The following SFXN5 variants were observed in gnomAD, a reference collection of about 807,000 sequenced individuals.
SFXN5 encodes the protein sideroflexin 5.
SFXN5 carries 43 observed loss-of-function variants against 50.2 expected under a neutral mutation model. The observed-to-expected ratio is 0.86, with a 90% CI of 0.67 to 1.11. SFXN5 has a LOEUF of 1.11. SFXN5 is among the 50% of genes least tolerant of loss of function. The pLI is 0.00. For missense variants in SFXN5, 463 were observed against 454.1 expected (o/e 1.02, Z -0.18); for synonymous variants, 203 against 185.8 (o/e 1.09, Z -0.75).
intron 3 of SFXN5, among the ~76,000 whole-genome samples, chr2:73,025,173 A>G (rs1225079309): frequency 6.6e-6 from 1 of 152,052 alleles, no homozygotes; most frequent in Non-Finnish European, 1.5e-5. Context: ...AAAAACATAA[A>G]AGGCTGATCG....
chr2:73,068,793 C>G (rs768680017), intron 1 of SFXN5, among the ~76,000 whole-genome samples: 1 of 151,946 alleles, frequency 6.6e-6, no homozygotes, highest in Non-Finnish European at 1.5e-5. Flanking sequence ...TCAATGTATA[C>G]ACCGAGAAAG....
intron 2 of SFXN5, among the ~76,000 whole-genome samples, chr2:73,052,124 T>A (rs181945161): frequency 2.0e-5 from 3 of 152,250 alleles, no homozygotes; most frequent in East Asian, 3.9e-4. Context: ...TTTGTCTCCA[T>A]CATTCTTTGA....
intron 3 of SFXN5, among the ~76,000 whole-genome samples, chr2:73,030,116 G>A (rs1287344323): frequency 2.0e-5 from 3 of 150,874 alleles, no homozygotes; most frequent in African/African-American, 7.3e-5. Flanking sequence ...TCAAACAAAC[G>A]AACAAAAAAA....
intron 8 of SFXN5, among the ~76,000 whole-genome samples, chr2:73,000,136 C>G (rs779013981): frequency 2.0e-5 from 3 of 152,220 alleles, no homozygotes; most frequent in Non-Finnish European, 4.4e-5. Context: ...CAAGAAGAAT[C>G]TGAAAGCCAG....
At chr2:73,024,521 G>C (rs1677306815) in intron 3 of SFXN5, among the ~76,000 whole-genome samples, 1 of 152,204 alleles carries the variant, frequency 6.6e-6, no homozygotes, top group Admixed American at 6.5e-5. Flanking sequence ...GGGCGTGGTG[G>C]AATGTGCCTG....
At chr2:72,952,599 G>A (rs751755513) in intron 13 of SFXN5, among the ~76,000 whole-genome samples, 16 of 152,050 alleles carry the variant, frequency 1.1e-4, no homozygotes, top group Admixed American at 5.9e-4. Flanking sequence ...ACCACACCCC[G>A]CCCCCTACCA....
chr2:72,946,026 G>A (rs148925707), intron 13 of SFXN5, among the ~76,000 whole-genome samples: 4 of 151,734 alleles, frequency 2.6e-5, no homozygotes, highest in Admixed American at 1.3e-4. Context: ...CATCAAACCC[G>A]CTGCCTTCCG....
At chr2:72,949,145 C>T (rs1457424108) in intron 13 of SFXN5, among the ~76,000 whole-genome samples, 1 of 152,162 alleles carries the variant, frequency 6.6e-6, no homozygotes, top group Non-Finnish European at 1.5e-5. Context: ...TATTAGCTGG[C>T]TAGCATGGCC....
chr2:72,978,717 A>G (rs10177159), intron 10 of SFXN5, among the ~76,000 whole-genome samples: 50,730 of 152,104 alleles, frequency 0.33, 10,359 homozygotes, highest in African/African-American at 0.57. Flanking sequence ...CTAGAAACGT[A>G]TGTACCCTCT....
At chr2:73,068,017 G>A (rs892861476) in intron 1 of SFXN5, among the ~76,000 whole-genome samples, 2 of 152,244 alleles carry the variant, frequency 1.3e-5, no homozygotes, top group African/African-American at 4.8e-5. Flanking sequence ...ATCTTATGGG[G>A]AGAAAGATGG....
At chr2:73,025,147 A>T (rs1677394658) in intron 3 of SFXN5, among the ~76,000 whole-genome samples, 1 of 150,766 alleles carries the variant, frequency 6.6e-6, no homozygotes, top group African/African-American at 2.4e-5. Context: ...ATTTAAAAAC[A>T]ACAACAACAA....
intron 2 of SFXN5, among the ~76,000 whole-genome samples, chr2:73,050,392 G>GCACA (rs35090808): frequency 4.8e-4 from 70 of 146,608 alleles, no homozygotes; most frequent in Non-Finnish European, 8.7e-4. Flanking sequence ...CACAGCGCAC[G>GCACA]CACACACACA....
intron 10 of SFXN5, among the ~76,000 whole-genome samples, chr2:72,985,691 T>C (rs1356331983): frequency 1.2e-4 from 19 of 152,138 alleles, no homozygotes; most frequent in Admixed American, 1.2e-3. Context: ...AAGCAAGGAC[T>C]GTCAGGGCTT....
chr2:72,968,418 G>A, intron 12 of SFXN5, 30 bp downstream of exon 12: 2 of 1,592,278 alleles, frequency 1.3e-6, no homozygotes, highest in Admixed American at 1.7e-5. Context: ...CCCCCATGGT[G>A]GCCTCTCCAT....
chr2:73,023,743 G>A (rs1677204874), intron 3 of SFXN5, among the ~76,000 whole-genome samples: 1 of 151,950 alleles, frequency 6.6e-6, no homozygotes, highest in Admixed American at 6.6e-5. Context: ...AGGGGTGAAT[G>A]GGAAGCTCTC....
chr2:72,947,072 AC>A (rs1672028826), intron 13 of SFXN5, among the ~76,000 whole-genome samples: 1 of 151,882 alleles, frequency 6.6e-6, no homozygotes, highest in African/African-American at 2.4e-5. Context: ...TCAGCTTTAG[AC>A]ACCTTCCCTC....
chr2:72,947,728 G>A (rs1191696662), intron 13 of SFXN5, among the ~76,000 whole-genome samples: 17 of 152,126 alleles, frequency 1.1e-4, no homozygotes, highest in Admixed American at 1.1e-3. Context: ...CGTTACCCAA[G>A]TCTGGTCACC....
intron 13 of SFXN5, among the ~76,000 whole-genome samples, chr2:72,949,609 T>A (rs1463755558): frequency 6.6e-6 from 1 of 152,050 alleles, no homozygotes; most frequent in Non-Finnish European, 1.5e-5. Flanking sequence ...GTGCCTGGCC[T>A]TAGACTGTCT....
intron 6 of SFXN5, among the ~76,000 whole-genome samples, chr2:73,017,331 T>C (rs770401782): frequency 6.6e-6 from 1 of 152,176 alleles, no homozygotes; most frequent in African/African-American, 2.4e-5. Context: ...TTTTAAACTA[T>C]TCCCCTCTCC....
Sources: gnomAD v4.1 joint callset for allele counts (sites outside exome capture counted in the v4.1 genomes callset) on GRCh38, gnomAD v4.1.1 for gene constraint, MANE v1.5 for transcripts, NCBI Gene and HGNC (gene_info 2026-07-23, HGNC 2026-07-21) for gene names.